KCNIP2: variants seen among roughly 807,000 people sequenced by gnomAD.
KCNIP2 encodes potassium voltage-gated channel interacting protein 2, also known as A-type potassium channel modulatory protein KCNIP2.
Under a neutral mutation model 39.0 loss-of-function variants are expected in KCNIP2, and 19 were observed. That is an observed-to-expected ratio of 0.49 (90% CI 0.34 to 0.71). KCNIP2 has a LOEUF of 0.71. KCNIP2 is among the 30% of genes least tolerant of loss of function. The pLI is 0.01. For missense variants in KCNIP2, 261 were observed against 346.0 expected (o/e 0.75, Z 1.95); for synonymous variants, 111 against 131.2 (o/e 0.85, Z 1.05).
intron 1 of KCNIP2, 33 bp from the exon 2 acceptor site, chr10:101,831,200 T>A: frequency 1.4e-6 from 2 of 1,461,642 alleles, no homozygotes; most frequent in Non-Finnish European, 1.9e-6. Context: ...GAAGGCACAT[T>A]AACTCCCATT....
intron 2 of KCNIP2, 133 bp from the exon 3 acceptor site, chr10:101,830,030 A>G: frequency 1.0e-6 from 1 of 991,458 alleles, no homozygotes. Flanking sequence ...ACAGACACAC[A>G]CGAAACGGAC....
chr10:101,840,024 T>C (rs2066279477), intron 1 of KCNIP2, among the ~76,000 whole-genome samples: 1 of 123,182 alleles, frequency 8.1e-6, no homozygotes, highest in African/African-American at 3.2e-5. Context: ...CCTGGCCCCA[T>C]CATGTGAAGC....
At position 101,828,488 on chromosome 10, in the gene KCNIP2, TC is replaced by T. The variant is rs754989333; in HGVS notation, c.419-30del. On this transcript the variant is annotated intron_variant, in intron 5 of 9. Coordinates refer to ENST00000356640, the MANE Select transcript of KCNIP2 (RefSeq NM_173191.3). This position sits in a 1 kb window ranked among gnomAD's most constrained non-coding sequence, Gnocchi z 6.6. ...CAGGGTGAGTGTGGAGAAGTTGGCTTCCACACAGGAGAGGACTTCCTCCCTC... is the reference window on the plus strand; with the variant it reads ...CAGGGTGAGTGTGGAGAAGTTGGCTTCACACAGGAGAGGACTTCCTCCCTC... 1.2e-6 allele frequency: 2 copies of T among 1,612,592 alleles called. No individual in the cohort carries two copies. Among genetic ancestry groups the T allele is most frequent in the Non-Finnish European group, 1.7e-6 (2 of 1,179,018 alleles).
chr10:101,830,550 G>A (rs1041489122), intron 2 of KCNIP2: 1 of 980,500 alleles, frequency 1.0e-6, no homozygotes, highest in Non-Finnish European at 1.3e-6. Flanking sequence ...AGTTTTGCGG[G>A]AGCGGTGACA....
At chr10:101,837,111 A>T (rs181108376) in intron 1 of KCNIP2, among the ~76,000 whole-genome samples, 1 of 152,206 alleles carries the variant, frequency 6.6e-6, no homozygotes, top group East Asian at 1.9e-4. Context: ...ACCCCATCTC[A>T]AAATAAACAA....
rs182492195 is a variant in KCNIP2, at chr10:101,834,969, G to A, written c.74-3802C>T. Among the ~76,000 whole-genome samples, 162 of 152,318 alleles carry A rather than the reference G, an allele frequency of 1.1e-3. 1 individual carries two copies. The highest frequency in any genetic ancestry group is 6.8e-4 in the Non-Finnish European group (46 of 68,028). ...CCTGTCACAGAGGTGTGTGTTTGGCGTATGGTTATGCATTTTGACTCTTGC... is the reference window on the plus strand; with the variant it reads ...CCTGTCACAGAGGTGTGTGTTTGGCATATGGTTATGCATTTTGACTCTTGC... On this transcript the variant is annotated intron_variant, in intron 1 of 9. Coordinates refer to ENST00000356640, the MANE Select transcript of KCNIP2 (RefSeq NM_173191.3).
Position 101,827,118 on chromosome 10 carries a change from A to C in KCNIP2, c.*235T>G, listed in dbSNP as rs930266827. On this transcript the variant is annotated 3_prime_UTR_variant, in exon 10 of 10. Transcript: ENST00000356640. Reference sequence around the variant, plus strand: ...GCACTCTCAACACTGGGTGTCAGGCAGGAAGGGGGTGAGAGCTGGTGGGAG... The same window carrying C: ...GCACTCTCAACACTGGGTGTCAGGCCGGAAGGGGGTGAGAGCTGGTGGGAG... 3.0e-6 allele frequency: 3 copies of C among 1,009,076 alleles called. No homozygotes were observed. In the African/African-American group the frequency reaches 4.9e-5, roughly 17 times the overall value. The allele number at this position is 1,009,076 out of a possible 1,614,324, so 62.5% of individuals were successfully genotyped here.
At position 101,827,246 on chromosome 10, in the gene KCNIP2, A is replaced by C; in HGVS notation, c.*107T>G. The C allele has an allele frequency of 7.2e-7, 1 of 1,382,148 alleles. No individual in the cohort carries two copies. The highest frequency in any genetic ancestry group is 9.4e-7 in the Non-Finnish European group (1 of 1,062,430). 85.6% of individuals were successfully genotyped at this position (1,382,148 alleles called of 1,614,324 possible). A position where few individuals can be genotyped will look rare whatever the true frequency, so the allele number is the denominator to read the frequency against. On this transcript the variant is annotated 3_prime_UTR_variant, in exon 10 of 10. Transcript: ENST00000356640. Reference sequence around the variant, plus strand: ...AAGCTCTTGGATCCCTCCAGCCCCCAGGGAGGCGTAGGATGAGGATAGACC... The same window carrying C: ...AAGCTCTTGGATCCCTCCAGCCCCCCGGGAGGCGTAGGATGAGGATAGACC...
intron 3 of KCNIP2, 29 bp from the exon 4 acceptor site, chr10:101,829,228 T>C (rs1463953936): frequency 6.3e-7 from 1 of 1,596,462 alleles, no homozygotes. Context: ...CAGCCGCGCC[T>C]CAGGCCCAGC....
chr10:101,838,394 C>T lies in KCNIP2; in HGVS notation c.73+5102G>A, dbSNP rs2066225542. The stretch of plus-strand genomic sequence containing the variant: ...GGGAACCCACTCTATGCAACTGTCC[C>T]ACCTTCCCCAGTTTAGCTTTGTCCC... On this transcript the variant is annotated intron_variant, in intron 1 of 9. Transcript: ENST00000356640. The surrounding 1 kb of genome is among the most constrained non-coding windows in gnomAD (Gnocchi z 4.0). Among the ~76,000 whole-genome samples, 1 of 152,176 alleles carries T rather than the reference C, an allele frequency of 6.6e-6. No individual in the cohort carries two copies. The highest frequency in any genetic ancestry group is 6.5e-5 in the Admixed American group (1 of 15,280).
At chr10:101,832,237 CCTTATTTCTGCACATGCTCTACAGCT>C (rs2066014587) in intron 1 of KCNIP2, among the ~76,000 whole-genome samples, 1 of 151,856 alleles carries the variant, frequency 6.6e-6, no homozygotes, top group African/African-American at 2.4e-5. Flanking sequence ...CCCTCTTCTC[CCTTATTTCTGCACATGCTCTACAGCT>C]CTAATTGCAC....
rs766773744 is a variant in KCNIP2 at position 101,828,107 on chromosome 10, C to T, written c.597+44G>A. 3.8e-6 allele frequency: 6 copies of T among 1,578,172 alleles called. No homozygotes were observed. Among genetic ancestry groups the T allele is most frequent in the Non-Finnish European group, 5.2e-6 (6 of 1,147,536 alleles). Reference sequence around the variant, plus strand: ...CCTCCCATCACCCTCTGCACGCCACCCCCATCACCGCCACAGACCCCCAGC... The same window carrying T: ...CCTCCCATCACCCTCTGCACGCCACTCCCATCACCGCCACAGACCCCCAGC... On this transcript the variant is annotated intron_variant, in intron 7 of 9. Transcript: ENST00000356640. The surrounding 1 kb of genome is among the most constrained non-coding windows in gnomAD (Gnocchi z 6.6).
At chr10:101,839,989 TCCTGGCCGCAC>T in intron 1 of KCNIP2, 1 of 419,656 alleles carries the variant, frequency 2.4e-6, no homozygotes, top group South Asian at 2.4e-5. Flanking sequence ...TCCCATGTTC[TCCTGGCCGCAC>T]GAGAGGAGCT....
At chr10:101,839,917 G>A in intron 1 of KCNIP2, 2 of 1,407,666 alleles carry the variant, frequency 1.4e-6, no homozygotes, top group Admixed American at 2.5e-5. Context: ...CACCCGGGTA[G>A]GCCCGCGTGG....
intron 1 of KCNIP2, among the ~76,000 whole-genome samples, chr10:101,835,009 G>T (rs139729542): frequency 6.6e-6 from 1 of 152,336 alleles, no homozygotes; most frequent in East Asian, 1.9e-4. Context: ...ATGGGTATGT[G>T]AGCTGGGTGT....
chr10:101,827,785 G>A lies in KCNIP2; in HGVS notation c.703-34C>T, dbSNP rs1442396976. ...AGGTGGTCAGGCAGGGAGAACAGGA[G>A]GGATGGCAAGAGAGAGGCAGACAGA... On this transcript the variant is annotated intron_variant, in intron 8 of 9. Coordinates refer to ENST00000356640, the MANE Select transcript of KCNIP2 (RefSeq NM_173191.3). 8 of 1,570,104 alleles carry A rather than the reference G, an allele frequency of 5.1e-6. No individual in the cohort carries two copies. In the South Asian group the frequency reaches 6.7e-5, roughly 13 times the overall value.
rs2066231941 is a variant in KCNIP2 at position 101,838,640 on chromosome 10, G to A, written c.73+4856C>T. 6.6e-6 allele frequency among the ~76,000 whole-genome samples: 1 copy of A among 152,212 alleles called. No individual in the cohort carries two copies. Among genetic ancestry groups the A allele is most frequent in the African/African-American group, 2.4e-5 (1 of 41,454 alleles). On this transcript the variant is annotated intron_variant, in intron 1 of 9. Coordinates refer to ENST00000356640, the MANE Select transcript of KCNIP2 (RefSeq NM_173191.3). The surrounding 1 kb of genome is among the most constrained non-coding windows in gnomAD (Gnocchi z 4.0). ...GCCTGGCTCCAGCCATCTGTCACTG[G>A]AGACAGGCCCAAGCAGGGGGCTTGG...
Position 101,828,533 on chromosome 10 carries a change from C to T in KCNIP2, c.419-74G>A. 1.3e-6 allele frequency: 2 copies of T among 1,597,172 alleles called. No individual in the cohort carries two copies. Among genetic ancestry groups the T allele is most frequent in the South Asian group, 1.1e-5 (1 of 90,304 alleles). On this transcript the variant is annotated intron_variant, in intron 5 of 9. Coordinates refer to ENST00000356640, the MANE Select transcript of KCNIP2 (RefSeq NM_173191.3). The surrounding 1 kb of genome is among the most constrained non-coding windows in gnomAD (Gnocchi z 6.6). ...CTCCCTCTAAGGAGCTCCCCATACC[C>T]CCCATCACCTTGGCATTCCCAGCTC...
At chr10:101,827,541 G>T (rs1373028473) in intron 9 of KCNIP2, 141 bp from the exon 10 acceptor site, 1 of 1,283,604 alleles carries the variant, frequency 7.8e-7, no homozygotes, top group Non-Finnish European at 1.1e-6. Context: ...ACCTGAGGTA[G>T]GGAAGGGGTA....
Sources: allele counts gnomAD v4.1 joint callset (sites outside exome capture counted in the v4.1 genomes callset), GRCh38; gene constraint gnomAD v4.1.1; non-coding constraint Gnocchi (gnomAD v3.1); transcripts MANE v1.5; gene names NCBI Gene and HGNC (gene_info 2026-07-23, HGNC 2026-07-21).